Variants in MYO3A observed in about 807,000 individuals in gnomAD.
MYO3A encodes the protein myosin IIIA, also known as myosin-IIIa.
A neutral mutation model predicts 192.7 loss-of-function variants in MYO3A; 180 were observed. The observed-to-expected ratio is 0.93, with a 90% confidence interval of 0.83 to 1.06. MYO3A has a LOEUF of 1.06. Among genes scored for constraint, MYO3A ranks in the 50% least tolerant of loss-of-function variants. The pLI, the probability that MYO3A is intolerant of heterozygous loss-of-function variation, is 0.00. For synonymous variants in MYO3A, 628 were observed against 645.3 expected (o/e 0.97, Z 0.41); for missense variants, 1,896 against 1,905.0 (o/e 1.00, Z 0.09).
At position 26,026,379 on chromosome 10, in the gene MYO3A, G is replaced by A; in HGVS notation, c.800G>A (p.Cys267Tyr). Residue 267 changes from cysteine (C) to tyrosine (Y), a missense_variant and splice_region_variant, in exon 10 of 35, where the codon TGC becomes TAC. Transcript: ENST00000642920. ...SAEFNDFISK[C>Y]LTKDYEKRPT... ...CATGTTCTTTTTTGCCAGTGCAGGT[G>A]CTTGACTAAAGATTATGAAAAGCGT... The A allele has an allele frequency of 6.2e-7, 1 of 1,614,070 alleles. No homozygotes were observed. Among genetic ancestry groups the A allele is most frequent in the Non-Finnish European group, 8.5e-7 (1 of 1,179,990 alleles).
chr10:25,950,925 ACTTTC>A (rs1241507718), intron 2 of MYO3A, among the ~76,000 whole-genome samples: 7 of 152,292 alleles, frequency 4.6e-5, no homozygotes, highest in African/African-American at 1.7e-4. Context: ...TGCTAAGAAC[ACTTTC>A]CTTTCTTTTA....
chr10:26,140,706 G>T (rs551245638), intron 20 of MYO3A, among the ~76,000 whole-genome samples: 51 of 150,548 alleles, frequency 3.4e-4, no homozygotes, highest in African/African-American at 1.2e-3. Context: ...AAAAGAAGAA[G>T]AAAAACAAGG....
intron 34 of MYO3A, among the ~76,000 whole-genome samples, chr10:26,207,731 T>C (rs1211190371): frequency 8.1e-6 from 1 of 124,078 alleles, no homozygotes; most frequent in Non-Finnish European, 1.7e-5. Flanking sequence ...TTCTTCTTTT[T>C]GCTCAAGATA....
At chr10:25,989,601 G>A (rs1008939850) in intron 4 of MYO3A, among the ~76,000 whole-genome samples, 2 of 152,134 alleles carry the variant, frequency 1.3e-5, no homozygotes, top group African/African-American at 4.8e-5. Flanking sequence ...CAGTGGTGAG[G>A]TTTAGAGATA....
chr10:26,065,833 G>A (rs1588889798), intron 10 of MYO3A, among the ~76,000 whole-genome samples: 1 of 112,072 alleles, frequency 8.9e-6, no homozygotes, highest in African/African-American at 2.9e-5. Flanking sequence ...AAAAAGAGCA[G>A]TGGGCCGGGC....
intron 25 of MYO3A, among the ~76,000 whole-genome samples, chr10:26,155,332 G>C (rs1443621168): frequency 6.6e-6 from 1 of 152,190 alleles, no homozygotes; most frequent in Admixed American, 6.5e-5. Context: ...AGTGTGCTTA[G>C]CATAGGATCA....
chr10:26,065,092 C>T (rs1336097467), intron 10 of MYO3A, among the ~76,000 whole-genome samples: 2 of 152,004 alleles, frequency 1.3e-5, no homozygotes, highest in East Asian at 3.9e-4. Flanking sequence ...GACAGAGATA[C>T]CAGTGAGTTA....
chr10:26,045,104 A>C (rs1473187651), intron 10 of MYO3A, among the ~76,000 whole-genome samples: 2 of 152,196 alleles, frequency 1.3e-5, no homozygotes. Context: ...CAGGAGCAGC[A>C]AGAACACCCA....
At chr10:25,934,645 C>T (rs1588616738) in intron 1 of MYO3A, among the ~76,000 whole-genome samples, 1 of 29,418 alleles carries the variant, frequency 3.4e-5, no homozygotes, top group African/African-American at 1.5e-4. Flanking sequence ...GAGGGGGAAA[C>T]GGGGGCGGGG....
At position 26,082,029 on chromosome 10, in the gene MYO3A, A is replaced by G. The variant is rs548075016; in HGVS notation, c.1360-6174A>G. On this transcript the variant is annotated intron_variant, in intron 14 of 34. Transcript: ENST00000642920. ...GATCTGGAGCTAAAATTCACAATGC[A>G]AGCCTCTGCACGCTGCTCTTTCTGG... Among the ~76,000 whole-genome samples the G allele has an allele frequency of 1.4e-4, 21 of 152,278 alleles. No homozygotes were observed. The South Asian group carries it at 3.7e-3, about 27-fold the overall frequency.
intron 10 of MYO3A, among the ~76,000 whole-genome samples, chr10:26,063,037 G>T (rs1049142870): frequency 6.6e-6 from 1 of 152,178 alleles, no homozygotes; most frequent in Non-Finnish European, 1.5e-5. Flanking sequence ...TATCTAAAAT[G>T]AGCTAGGAAG....
At chr10:26,160,603 C>A (rs1245144160) in intron 26 of MYO3A, among the ~76,000 whole-genome samples, 3 of 151,932 alleles carry the variant, frequency 2.0e-5, no homozygotes, top group Admixed American at 6.6e-5. Context: ...TATGTTCATA[C>A]CACTGCACTC....
chr10:26,130,083 G>A (rs11817896), intron 20 of MYO3A, among the ~76,000 whole-genome samples: 14,771 of 151,536 alleles, frequency 0.097, 785 homozygotes, highest in Non-Finnish European at 0.12. Context: ...GCTTTTCACT[G>A]TTTATAAAAT....
chr10:26,073,253 A>G (rs1287646175), intron 14 of MYO3A, among the ~76,000 whole-genome samples: 1 of 151,998 alleles, frequency 6.6e-6, no homozygotes, highest in East Asian at 1.9e-4. Context: ...ACACTGATAC[A>G]AGCAATAATG....
At chr10:25,951,331 C>T (rs1688556293) in intron 2 of MYO3A, among the ~76,000 whole-genome samples, 1 of 152,114 alleles carries the variant, frequency 6.6e-6, no homozygotes, top group African/African-American at 2.4e-5. Flanking sequence ...CAGATAACAG[C>T]AGCGTAGAGT....
rs1012262473 is a variant in MYO3A at position 26,156,830 on chromosome 10, C to T, written c.2794-480C>T. 3.3e-5 allele frequency among the ~76,000 whole-genome samples: 5 copies of T among 152,124 alleles called. No homozygotes were observed. The East Asian group carries it at 7.7e-4, about 23-fold the overall frequency. On this transcript the variant is annotated intron_variant, in intron 25 of 34. Coordinates refer to ENST00000642920, the MANE Select transcript of MYO3A (RefSeq NM_017433.5). ...GTACCCGTTAGTTATGTTTCCTGAT[C>T]GTCTCCCTCCTCGTACTCTCCACCC...
At chr10:26,106,741 T>C (rs1837827826) in intron 17 of MYO3A, among the ~76,000 whole-genome samples, 1 of 152,194 alleles carries the variant, frequency 6.6e-6, no homozygotes, top group South Asian at 2.1e-4. Flanking sequence ...ATCATATTTT[T>C]TCCTACAGCA....
chr10:26,071,587 C>T (rs916870127), intron 14 of MYO3A, among the ~76,000 whole-genome samples: 19 of 151,990 alleles, frequency 1.3e-4, no homozygotes, highest in Admixed American at 2.6e-4. Context: ...AAAATGAAAA[C>T]ACAACCCACA....
chr10:26,015,933 C>T (rs1588782455), intron 6 of MYO3A, among the ~76,000 whole-genome samples: 1 of 152,190 alleles, frequency 6.6e-6, no homozygotes, highest in South Asian at 2.1e-4. Context: ...CAACCAAAGC[C>T]TAAAATTAAT....
Sources: gnomAD v4.1 joint callset for allele counts (sites outside exome capture counted in the v4.1 genomes callset) on GRCh38, gnomAD v4.1.1 for gene constraint, MANE v1.5 for transcripts, NCBI Gene and HGNC (gene_info 2026-07-23, HGNC 2026-07-21) for gene names.